The following SNX13 variants were observed in gnomAD, a reference collection of about 807,000 sequenced individuals.
SNX13 encodes sorting nexin 13.
SNX13 carries 45 observed loss-of-function variants against 133.6 expected under a neutral mutation model. The observed-to-expected ratio is 0.34, with a 90% confidence interval of 0.27 to 0.43. The LOEUF is 0.43. SNX13 is among the 20% of genes least tolerant of loss of function. The pLI is 1.00. For synonymous variants in SNX13, 414 were observed against 373.9 expected (o/e 1.11, Z -1.24); for missense variants, 1,032 against 1,145.1 (o/e 0.90, Z 1.43).
chr7:17,816,338 T>C (rs751807760), intron 18 of SNX13, 49 bp from the exon 19 acceptor site: 2 of 1,502,892 alleles, frequency 1.3e-6, no homozygotes, highest in African/African-American at 1.4e-5. Context: ...GACAAAAGGT[T>C]TTCCCAAGTG....
chr7:17,928,598 C>T (rs1801027842), intron 1 of SNX13, among the ~76,000 whole-genome samples: 1 of 151,606 alleles, frequency 6.6e-6, no homozygotes, highest in Non-Finnish European at 1.5e-5. Context: ...TAATCAAACA[C>T]AACTGATTAA....
chr7:17,816,594 T>C (rs567194179), intron 18 of SNX13, among the ~76,000 whole-genome samples: 1 of 151,996 alleles, frequency 6.6e-6, no homozygotes, highest in Admixed American at 6.6e-5. Flanking sequence ...ACCCAGAAGG[T>C]AGAGGTTGTG....
intron 1 of SNX13, among the ~76,000 whole-genome samples, chr7:17,905,044 G>A (rs997329328): frequency 6.6e-6 from 1 of 152,156 alleles, no homozygotes; most frequent in Non-Finnish European, 1.5e-5. Flanking sequence ...GGAAAGGACA[G>A]TGAAAAGGCA....
intron 5 of SNX13, chr7:17,882,767 G>A (rs565931976): frequency 8.6e-7 from 1 of 1,159,934 alleles, no homozygotes; most frequent in Non-Finnish European, 1.1e-6. Context: ...GAACTGAAAG[G>A]GTTCTCAAAT....
intron 1 of SNX13, among the ~76,000 whole-genome samples, chr7:17,906,449 A>T (rs563742448): frequency 1.3e-5 from 2 of 152,188 alleles, no homozygotes; most frequent in East Asian, 1.9e-4. Flanking sequence ...CACACAATTT[A>T]AAAAAACCAT....
intron 15 of SNX13, chr7:17,832,079 A>G (rs1686574637): frequency 1.0e-6 from 1 of 982,732 alleles, no homozygotes; most frequent in Non-Finnish European, 1.2e-6. Context: ...ACATAAGTAT[A>G]TAATCTCAAA....
chr7:17,921,463 C>T (rs370629240), intron 1 of SNX13, among the ~76,000 whole-genome samples: 1 of 152,116 alleles, frequency 6.6e-6, no homozygotes, highest in Non-Finnish European at 1.5e-5. Flanking sequence ...TCCATATCCC[C>T]GACAACTTCA....
At chr7:17,865,722 T>G (rs1414919565) in intron 9 of SNX13, among the ~76,000 whole-genome samples, 1 of 152,164 alleles carries the variant, frequency 6.6e-6, no homozygotes, top group African/African-American at 2.4e-5. Context: ...GACATCACAT[T>G]ACTTGACTTC....
chr7:17,836,429 AT>A (rs1789150457), intron 13 of SNX13, among the ~76,000 whole-genome samples: 2 of 152,056 alleles, frequency 1.3e-5, no homozygotes, highest in Admixed American at 6.6e-5. Flanking sequence ...AGTCAAGAGA[AT>A]TGCCTGAACC....
chr7:17,817,309 C>T (rs147714984), intron 18 of SNX13, among the ~76,000 whole-genome samples: 1 of 152,200 alleles, frequency 6.6e-6, no homozygotes, highest in Non-Finnish European at 1.5e-5. Context: ...TAACTAGTGA[C>T]TGTACCTGAC....
At chr7:17,838,123 C>G (rs190017733) in intron 13 of SNX13, among the ~76,000 whole-genome samples, 79 of 152,094 alleles carry the variant, frequency 5.2e-4, no homozygotes, top group African/African-American at 1.9e-3. Flanking sequence ...GATTTTACCA[C>G]AGACCAAGAT....
At position 17,838,510 on chromosome 7, in the gene SNX13, T is replaced by C. The variant is rs528381908; in HGVS notation, c.1359+1297A>G. On this transcript the variant is annotated intron_variant, in intron 13 of 25. Transcript: ENST00000428135. ...ACAATAATCTTTGTTTCCTTTCTTC[T>C]GTTTGCCTTGGATTTATTTTTCATT... 3.9e-5 allele frequency among the ~76,000 whole-genome samples: 6 copies of C among 152,028 alleles called. No individual in the cohort carries two copies. In the South Asian group the frequency reaches 6.2e-4, roughly 16 times the overall value.
intron 7 of SNX13, 26 bp from the exon 8 acceptor site, chr7:17,873,642 T>C (rs760365346): frequency 1.4e-6 from 2 of 1,397,624 alleles, no homozygotes; most frequent in Non-Finnish European, 1.9e-6. Context: ...GTAGCTATCA[T>C]AACATTAGAA....
chr7:17,864,369 T>C (rs574716720), intron 9 of SNX13, among the ~76,000 whole-genome samples: 103 of 152,308 alleles, frequency 6.8e-4, no homozygotes, highest in African/African-American at 2.0e-3. Flanking sequence ...AAAAATTCAA[T>C]TGATAAACTG....
chr7:17,809,751 G>A (rs1435047306), intron 20 of SNX13, among the ~76,000 whole-genome samples: 2 of 151,964 alleles, frequency 1.3e-5, no homozygotes, highest in African/African-American at 4.8e-5. Context: ...GCAAAAGAAT[G>A]GAAATCATAA....
chr7:17,826,111 A>G lies in SNX13; in HGVS notation c.1636-20T>C. Reference sequence around the variant, plus strand: ...TAAAGACTGAGAAAAAAAAATCAGGAAACAAATTTTTAAAATTTTATAGGG... The same window carrying G: ...TAAAGACTGAGAAAAAAAAATCAGGGAACAAATTTTTAAAATTTTATAGGG... On this transcript the variant is annotated intron_variant, in intron 16 of 25. Transcript: ENST00000428135. The G allele has an allele frequency of 6.6e-7, 1 of 1,509,468 alleles. No individual in the cohort carries two copies. Among genetic ancestry groups the G allele is most frequent in the Non-Finnish European group, 8.9e-7 (1 of 1,123,640 alleles). The allele number at this position is 1,509,468 out of a possible 1,614,324, so 93.5% of individuals were successfully genotyped here. A position where few individuals can be genotyped will look rare whatever the true frequency, so the allele number is the denominator to read the frequency against.
At chr7:17,892,212 T>C (rs1796700653) in intron 3 of SNX13, among the ~76,000 whole-genome samples, 1 of 152,056 alleles carries the variant, frequency 6.6e-6, no homozygotes, top group Non-Finnish European at 1.5e-5. Flanking sequence ...TAGATATCTA[T>C]ATTAAAAATA....
At chr7:17,918,684 A>T (rs1349039804) in intron 1 of SNX13, among the ~76,000 whole-genome samples, 1 of 152,232 alleles carries the variant, frequency 6.6e-6, no homozygotes, top group Non-Finnish European at 1.5e-5. Flanking sequence ...CCCTGTAGAA[A>T]GCAGTTTAGA....
At chr7:17,810,913 T>C (rs984394715) in intron 20 of SNX13, among the ~76,000 whole-genome samples, 6 of 152,170 alleles carry the variant, frequency 3.9e-5, no homozygotes, top group Non-Finnish European at 7.3e-5. Context: ...CACATGATTA[T>C]CTCAATAGAT....
Sources: gnomAD v4.1 joint callset for allele counts (sites outside exome capture counted in the v4.1 genomes callset) on GRCh38, gnomAD v4.1.1 for gene constraint, MANE v1.5 for transcripts, NCBI Gene and HGNC (gene_info 2026-07-23, HGNC 2026-07-21) for gene names.